Variants in NPHP4 observed in about 807,000 individuals in gnomAD.
The protein encoded by NPHP4 is nephrocystin-4.
Under a neutral mutation model 155.8 loss-of-function variants are expected in NPHP4, and 151 were observed. The ratio of observed to expected loss-of-function variants is 0.97; its 90% CI spans 0.85 to 1.11. The LOEUF is 1.11. NPHP4 is among the 50% of genes least tolerant of loss of function. The pLI is 0.00. For missense variants in NPHP4, 1,956 were observed against 1,925.7 expected (o/e 1.02, Z -0.29); for synonymous variants, 845 against 816.8 (o/e 1.03, Z -0.59).
In NPHP4 at chr1:5,986,195, T is replaced by C. The variant is rs201735285; in HGVS notation, c.95A>G (p.Gln32Arg). ...RQPWKESTAF[Q>R]CVLKWLDGPV... The stretch of plus-strand genomic sequence containing the variant: ...TCCGTCCAGCCACTTGAGGACACAC[T>C]GGAATGCCGTGGATTCCTTCCAAGG... The change falls in exon 2 of 30, where the codon CAG becomes CGG. Residue 32 changes from glutamine (Q) to arginine (R), a missense_variant. Transcript: ENST00000378156. 1 of 1,613,912 alleles carries C rather than the reference T, an allele frequency of 6.2e-7. No individual in the cohort carries two copies. Among genetic ancestry groups the C allele is most frequent in the East Asian group, 2.2e-5 (1 of 44,892 alleles).
At chr1:5,913,271 T>A (rs531582665) in intron 11 of NPHP4, among the ~76,000 whole-genome samples, 8 of 151,610 alleles carry the variant, frequency 5.3e-5, no homozygotes, top group African/African-American at 1.7e-4. Context: ...CAGAGCCAGA[T>A]CTGAGAAGAG....
At chr1:5,879,156 T>TC (rs1642930953) in intron 19 of NPHP4, among the ~76,000 whole-genome samples, 1 of 151,850 alleles carries the variant, frequency 6.6e-6, no homozygotes, top group Non-Finnish European at 1.5e-5. Context: ...CAACGGCCCC[T>TC]CCCACCTCTA....
chr1:5,967,760 T>G (rs1651799676), intron 4 of NPHP4, among the ~76,000 whole-genome samples: 1 of 152,160 alleles, frequency 6.6e-6, no homozygotes, highest in Non-Finnish European at 1.5e-5. Context: ...ACATTTTTTT[T>G]CGTTTGTCAC....
chr1:5,902,835 ACTC>A (rs1644744118), intron 16 of NPHP4, among the ~76,000 whole-genome samples: 1 of 152,132 alleles, frequency 6.6e-6, no homozygotes, highest in Non-Finnish European at 1.5e-5. Context: ...GTCTTCATTG[ACTC>A]ATGGAATAAT....
At chr1:5,912,537 C>CAAAAAAAAAAAAAAA (rs752371714) in intron 11 of NPHP4, among the ~76,000 whole-genome samples, 1 of 77,864 alleles carries the variant, frequency 1.3e-5, no homozygotes, top group African/African-American at 3.9e-5. Context: ...GACTCCGTCT[C>CAAAAAAAAAAAAAAA]AAAAAAAAAA....
rs760239548 is a variant in NPHP4 at position 5,874,971 on chromosome 1, C to G, written c.2947G>C (p.Ala983Pro). 6.2e-7 allele frequency: 1 copy of G among 1,613,124 alleles called. No individual in the cohort carries two copies. The highest frequency in any genetic ancestry group is 1.7e-5 in the Admixed American group (1 of 60,026). ...LAITTEHTLH[A>P]TLGVAEFFEF... ...AAGAACTCGGCGACCCCCAGCGTGGCGTGGAGCGTGTGCTCCGTGGTGATG... is the reference window on the plus strand; with the variant it reads ...AAGAACTCGGCGACCCCCAGCGTGGGGTGGAGCGTGTGCTCCGTGGTGATG... The change falls in exon 21 of 30, where the codon GCC (alanine) becomes CCC (proline). Residue 983 changes from alanine (A) to proline (P), a missense_variant. Ala to Pro is a conservative substitution (Grantham distance 27). Coordinates refer to ENST00000378156, the MANE Select transcript of NPHP4 (RefSeq NM_015102.5).
intron 9 of NPHP4, among the ~76,000 whole-genome samples, chr1:5,941,833 A>C (rs560538530): frequency 6.6e-6 from 1 of 152,310 alleles, no homozygotes; most frequent in African/African-American, 2.4e-5. Context: ...CAAGTCAACC[A>C]TCTACCCACC....
intron 9 of NPHP4, 132 bp downstream of exon 9, chr1:5,946,972 A>G: frequency 1.0e-6 from 1 of 969,520 alleles, no homozygotes; most frequent in Non-Finnish European, 1.6e-6. Context: ...AATGTCAGTA[A>G]AGTGATTTTT....
Position 5,867,131 on chromosome 1 carries a change from T to C in NPHP4, c.3473-16A>G, listed in dbSNP as rs376664242. 1.1e-5 allele frequency: 17 copies of C among 1,598,370 alleles called. No homozygotes were observed. Among genetic ancestry groups the C allele is most frequent in the Non-Finnish European group, 1.5e-5 (17 of 1,170,600 alleles). ...ACCGGAGCACCTGGAGCAGGGGAAATGTCAAAAAGAGTCTTCTCCACAGCC... is the reference window on the plus strand; with the variant it reads ...ACCGGAGCACCTGGAGCAGGGGAAACGTCAAAAAGAGTCTTCTCCACAGCC... On this transcript the variant is annotated splice_polypyrimidine_tract_variant and intron_variant, in intron 24 of 29. Transcript: ENST00000378156. The surrounding 1 kb of genome is among the most constrained non-coding windows in gnomAD (Gnocchi z 4.1).
At chr1:5,894,406 C>T (rs1644291625) in intron 16 of NPHP4, among the ~76,000 whole-genome samples, 1 of 150,730 alleles carries the variant, frequency 6.6e-6, no homozygotes, top group African/African-American at 2.4e-5. Flanking sequence ...GCTGAGATCA[C>T]GCCACTGCAT....
At position 5,875,023 on chromosome 1, in the gene NPHP4, C is replaced by T. The variant is rs2100634591; in HGVS notation, c.2895G>A (p.Glu965=). ...CCAGGCTCAGCAGGCTGGCGATGCT[C>T]TCGGCCTTCGTGCGTTCCCGGTAGG... The part of the protein sequence containing the change: ...IAAYRERTKA[E]SIASLLSLAI... The change falls in exon 21 of 30, where the codon GAG becomes GAA. Residue 965 remains glutamate (E), a synonymous_variant. Transcript: ENST00000378156. 1 of 1,610,794 alleles carries T rather than the reference C, an allele frequency of 6.2e-7. No individual in the cohort carries two copies. Among genetic ancestry groups the T allele is most frequent in the East Asian group, 2.2e-5 (1 of 44,884 alleles).
chr1:5,908,122 T>C (rs61762114), intron 12 of NPHP4, among the ~76,000 whole-genome samples: 2 of 151,990 alleles, frequency 1.3e-5, no homozygotes, highest in Non-Finnish European at 2.9e-5. Context: ...GGGGGCGGGG[T>C]GCATGAAGCA....
intron 10 of NPHP4, among the ~76,000 whole-genome samples, chr1:5,931,632 G>A (rs745503415): frequency 2.0e-5 from 3 of 151,122 alleles, no homozygotes; most frequent in Admixed American, 2.0e-4. Flanking sequence ...TACTTGGGAG[G>A]CTGAGCCAGA....
intron 20 of NPHP4, 97 bp from the exon 21 acceptor site, chr1:5,875,197 G>A: frequency 2.1e-6 from 2 of 946,624 alleles, no homozygotes; most frequent in Non-Finnish European, 3.3e-6. Flanking sequence ...CTCAGAAGAG[G>A]ACATTTCTCC....
At chr1:5,869,049 C>CCA (rs1641673573) in intron 23 of NPHP4, among the ~76,000 whole-genome samples, 1 of 128,734 alleles carries the variant, frequency 7.8e-6, no homozygotes, top group African/African-American at 2.9e-5. Flanking sequence ...ACACATGCCC[C>CCA]CACACGCACA....
intron 5 of NPHP4, among the ~76,000 whole-genome samples, chr1:5,963,966 G>A (rs752404445): frequency 6.6e-6 from 1 of 152,172 alleles, no homozygotes; most frequent in Non-Finnish European, 1.5e-5. Flanking sequence ...GGGATTACAG[G>A]CGTGAACCAC....
rs779230173 is a variant in NPHP4, at chr1:5,867,063, G to A, written c.3525C>T (p.Ser1175=). Residue 1175 remains serine, a synonymous_variant, in exon 25 of 30, where the codon AGC becomes AGT. Coordinates refer to ENST00000378156, the MANE Select transcript of NPHP4 (RefSeq NM_015102.5). The surrounding 1 kb of genome is among the most constrained non-coding windows in gnomAD (Gnocchi z 4.1). ...GEDPPVHVRC[S]DPNVICETQN... is the part of the protein sequence containing the mutation. ...GGGTCTCACAGATGACGTTCGGGTC[G>A]CTGCAGCGAACATGGACTGGGGGGT... 8.7e-6 allele frequency: 14 copies of A among 1,612,886 alleles called. No homozygotes were observed. The highest frequency in any genetic ancestry group is 6.7e-5 in the African/African-American group (5 of 74,906).
intron 10 of NPHP4, among the ~76,000 whole-genome samples, chr1:5,929,571 C>G (rs1437934093): frequency 6.6e-6 from 1 of 152,122 alleles, no homozygotes; most frequent in Non-Finnish European, 1.5e-5. Flanking sequence ...GGTTTTCCTT[C>G]TTTAGGCTGT....
At chr1:5,870,876 G>C (rs1175574028) in intron 23 of NPHP4, among the ~76,000 whole-genome samples, 1 of 152,240 alleles carries the variant, frequency 6.6e-6, no homozygotes, top group Non-Finnish European at 1.5e-5. Flanking sequence ...AGCCACGCCA[G>C]AAGGACTCCA....
Sources: allele counts gnomAD v4.1 joint callset (sites outside exome capture counted in the v4.1 genomes callset), GRCh38; gene constraint gnomAD v4.1.1; non-coding constraint Gnocchi (gnomAD v3.1); transcripts MANE v1.5; gene names NCBI Gene and HGNC (gene_info 2026-07-23, HGNC 2026-07-21).